The following CCDC93 variants were observed in gnomAD, a reference collection of about 807,000 sequenced individuals.
The protein encoded by CCDC93 is coiled-coil domain-containing protein 93.
Under a neutral mutation model 108.2 loss-of-function variants are expected in CCDC93, and 61 were observed. The ratio of observed to expected loss-of-function variants is 0.56; its 90% CI spans 0.46 to 0.70. CCDC93 has a LOEUF of 0.70. CCDC93 is among the 30% of genes least tolerant of loss of function. The pLI, the probability that CCDC93 is intolerant of heterozygous loss-of-function variation, is 0.00. For missense variants in CCDC93, 685 were observed against 764.2 expected (o/e 0.90, Z 1.22); for synonymous variants, 276 against 260.4 (o/e 1.06, Z -0.58).
At chr2:118,004,018 CCT>C (rs1676792198) in intron 3 of CCDC93, among the ~76,000 whole-genome samples, 1 of 152,172 alleles carries the variant, frequency 6.6e-6, no homozygotes, top group Non-Finnish European at 1.5e-5. Context: ...TAGTTTGACT[CCT>C]TTAGTTTTTA....
chr2:117,958,629 C>G, intron 11 of CCDC93, 148 bp from the exon 12 acceptor site: 1 of 624,302 alleles, frequency 1.6e-6, no homozygotes, highest in Non-Finnish European at 2.9e-6. Flanking sequence ...CAAAACCTGG[C>G]GTACAGAAGA....
intron 11 of CCDC93, among the ~76,000 whole-genome samples, chr2:117,966,995 A>G (rs1235283628): frequency 6.6e-6 from 1 of 152,096 alleles, no homozygotes; most frequent in Non-Finnish European, 1.5e-5. Flanking sequence ...ATTACCTCCC[A>G]CTGCCTTTTT....
At chr2:117,978,835 C>G (rs1573508055) in intron 7 of CCDC93, among the ~76,000 whole-genome samples, 3 of 152,238 alleles carry the variant, frequency 2.0e-5, no homozygotes, top group African/African-American at 7.2e-5. Context: ...TGGTGAAACC[C>G]TGTCTCTACT....
At chr2:117,921,176 CAA>C (rs34197714) in intron 23 of CCDC93, among the ~76,000 whole-genome samples, 222 of 76,018 alleles carry the variant, frequency 2.9e-3, no homozygotes, top group African/African-American at 0.01. Flanking sequence ...GGCTCTGTCT[CAA>C]AAAAAAAAAA....
chr2:117,955,447 G>C (rs1320992541), intron 12 of CCDC93, among the ~76,000 whole-genome samples: 2 of 152,150 alleles, frequency 1.3e-5, no homozygotes, highest in Non-Finnish European at 2.9e-5. Flanking sequence ...CAACTCAATA[G>C]TTTCTAGCAA....
At chr2:117,962,996 T>A (rs775836800) in intron 11 of CCDC93, among the ~76,000 whole-genome samples, 1 of 152,178 alleles carries the variant, frequency 6.6e-6, no homozygotes, top group African/African-American at 2.4e-5. Context: ...AAAAAACCCA[T>A]AAGTAAGGAC....
At chr2:117,929,918 T>C (rs1427121992) in intron 23 of CCDC93, among the ~76,000 whole-genome samples, 1 of 152,218 alleles carries the variant, frequency 6.6e-6, no homozygotes, top group African/African-American at 2.4e-5. Flanking sequence ...AAGTCTGGAA[T>C]TGTTACTACT....
intron 23 of CCDC93, among the ~76,000 whole-genome samples, chr2:117,921,007 C>T (rs1313071187): frequency 8.3e-6 from 1 of 119,918 alleles, no homozygotes; most frequent in Non-Finnish European, 1.7e-5. Flanking sequence ...TACTAAACCC[C>T]GTCTCTACTA....
chr2:118,003,534 C>G (rs1480458158), intron 3 of CCDC93, among the ~76,000 whole-genome samples: 1 of 152,168 alleles, frequency 6.6e-6, no homozygotes, highest in African/African-American at 2.4e-5. Flanking sequence ...CTTGTGGCTA[C>G]AGATATATTG....
chr2:118,007,329 A>G (rs891121268), intron 2 of CCDC93, among the ~76,000 whole-genome samples: 5 of 152,220 alleles, frequency 3.3e-5, no homozygotes, highest in Admixed American at 6.5e-5. Context: ...AAGACTAAAA[A>G]CCCATTTTGA....
rs11123466 is a variant in CCDC93, at chr2:117,918,167, G to A, written c.*2176C>T. 0.61 allele frequency: 92,756 copies of A among 151,940 alleles called. 28,971 individuals carry two copies. Among genetic ancestry groups the A allele is most frequent in the African/African-American group, 0.72 (29,945 of 41,436 alleles). The allele number at this position is 151,940 out of a possible 1,614,324, so 9.4% of individuals were successfully genotyped here. On this transcript the variant is annotated 3_prime_UTR_variant, in exon 24 of 24. Coordinates refer to ENST00000376300, the MANE Select transcript of CCDC93 (RefSeq NM_019044.5). ...CTATACGGCTTCACCAAAAAGTCAT[G>A]TAACATCCTAATTACTCAGAAAGGC... is the stretch of plus-strand genomic sequence containing the variant.
intron 20 of CCDC93, among the ~76,000 whole-genome samples, chr2:117,938,734 A>T (rs1028598809): frequency 9.9e-5 from 15 of 152,240 alleles, no homozygotes; most frequent in Admixed American, 9.2e-4. Flanking sequence ...CCCTTCCTTT[A>T]AATCTCAAAC....
chr2:117,995,341 G>A (rs527962532), intron 6 of CCDC93, 105 bp downstream of exon 6: 22 of 889,198 alleles, frequency 2.5e-5, no homozygotes, highest in South Asian at 2.9e-5. Flanking sequence ...GCTCCTAAGC[G>A]ATCCCCGTAG....
chr2:117,946,555 C>T (rs552790906), intron 16 of CCDC93, among the ~76,000 whole-genome samples: 70 of 152,268 alleles, frequency 4.6e-4, no homozygotes, highest in Admixed American at 1.8e-3. Flanking sequence ...TCTCCCTAAA[C>T]AGAGGGAGGC....
At chr2:117,976,963 T>G in intron 8 of CCDC93, among the ~76,000 whole-genome samples, 5 of 137,164 alleles carry the variant, frequency 3.6e-5, no homozygotes, top group African/African-American at 8.4e-5. Flanking sequence ...TGAGACGGAG[T>G]CTCATACTGT....
intron 23 of CCDC93, among the ~76,000 whole-genome samples, chr2:117,928,957 G>A (rs1243022934): frequency 6.6e-6 from 1 of 152,202 alleles, no homozygotes; most frequent in Non-Finnish European, 1.5e-5. Context: ...CATGTCCTTT[G>A]TAGGGACATG....
chr2:117,973,958 C>T lies in CCDC93; in HGVS notation c.838G>A (p.Gly280Arg), dbSNP rs369512557. The T allele has an allele frequency of 6.2e-6, 10 of 1,612,166 alleles. No homozygotes were observed. The highest frequency in any genetic ancestry group is 1.7e-5 in the Admixed American group (1 of 59,804). Residue 280 changes from glycine (G) to arginine (R), a missense_variant, in exon 11 of 24, where the codon GGA (glycine) becomes AGA (arginine). Coordinates refer to ENST00000376300, the MANE Select transcript of CCDC93 (RefSeq NM_019044.5). ...LTASSVGQIV[G>R]LCSAEIKQIV... ...TGCTTGATCTCAGCAGAGCAGAGTCCCACAATCTGGCCCACGGAGCTTGCG... is the reference window on the plus strand; with the variant it reads ...TGCTTGATCTCAGCAGAGCAGAGTCTCACAATCTGGCCCACGGAGCTTGCG...
chr2:118,002,589 T>C (rs1452972287), intron 3 of CCDC93, among the ~76,000 whole-genome samples: 10 of 152,210 alleles, frequency 6.6e-5, no homozygotes, highest in Non-Finnish European at 7.4e-5. Context: ...GAAAAAAATA[T>C]GGAAGGGGGG....
intron 11 of CCDC93, among the ~76,000 whole-genome samples, chr2:117,968,112 A>G (rs1004413047): frequency 1.3e-5 from 2 of 152,150 alleles, no homozygotes; most frequent in Non-Finnish European, 2.9e-5. Flanking sequence ...TCAACCAATG[A>G]ATGATTTAGT....
Sources: gnomAD v4.1 joint callset for allele counts (sites outside exome capture counted in the v4.1 genomes callset) on GRCh38, gnomAD v4.1.1 for gene constraint, MANE v1.5 for transcripts, NCBI Gene and HGNC (gene_info 2026-07-23, HGNC 2026-07-21) for gene names.